ZNF292: variants seen among roughly 807,000 people sequenced by gnomAD.
The protein encoded by ZNF292 is 16 zinc-finger domain protein.
ZNF292 carries 26 observed loss-of-function variants against 217.9 expected under a neutral mutation model. The ratio of observed to expected loss-of-function variants is 0.12; its 90% CI spans 0.09 to 0.17. The LOEUF is 0.17. Ranked by LOEUF, ZNF292 falls within the 10% of genes least tolerant of loss-of-function variation. The probability of loss-of-function intolerance (pLI) is 1.00; values close to 1 mark genes in which losing one functional copy is unlikely to be tolerated. For missense variants in ZNF292, 2,904 were observed against 3,175.2 expected (o/e 0.91, Z 2.05); for synonymous variants, 1,257 against 1,124.1 (o/e 1.12, Z -2.37).
At chr6:87,182,929 T>G (rs925880277) in intron 1 of ZNF292, among the ~76,000 whole-genome samples, 3 of 152,180 alleles carry the variant, frequency 2.0e-5, no homozygotes, top group African/African-American at 7.2e-5. Context: ...TGTAGAGAGA[T>G]ATTATTGAAG....
At chr6:87,169,593 A>G (rs1053215096) in intron 1 of ZNF292, 11 of 352,396 alleles carry the variant, frequency 3.1e-5, no homozygotes, top group African/African-American at 2.2e-4. Flanking sequence ...TATTTCCAGT[A>G]AATAGGAATG....
chr6:87,232,912 G>A (rs972602588), intron 4 of ZNF292, among the ~76,000 whole-genome samples: 1 of 152,004 alleles, frequency 6.6e-6, no homozygotes, highest in Non-Finnish European at 1.5e-5. Flanking sequence ...TGTCCCAATA[G>A]CTTTTTGTGG....
At chr6:87,178,723 G>A (rs1771378592) in intron 1 of ZNF292, among the ~76,000 whole-genome samples, 2 of 152,246 alleles carry the variant, frequency 1.3e-5, no homozygotes, top group South Asian at 4.1e-4. Context: ...CAAGTAACTA[G>A]GAATTTTTAA....
rs1281505251 is a variant in ZNF292 at position 87,260,006 on chromosome 6, C to T, written c.6377C>T (p.Thr2126Met). The T allele has an allele frequency of 1.9e-6, 3 of 1,613,494 alleles. No individual in the cohort carries two copies. The highest frequency in any genetic ancestry group is 1.7e-5 in the Admixed American group (1 of 59,952). Residue 2126 changes from threonine to methionine, a missense_variant, in exon 8 of 8, where the codon ACG (threonine) becomes ATG (methionine). Physicochemically the swap from Thr to Met is moderately conservative, Grantham distance 81 (BLOSUM62 -1). This residue lies in a region of ZNF292 where 261 missense variants were observed against 272.8 expected (regional missense o/e 0.96). Transcript: ENST00000369577. The stretch of plus-strand genomic sequence containing the variant: ...CACCAGGGATGCTTTGCTGCCTTTA[C>T]GATACAGCAAAACTTGATTCTCCAT... ...CVHQGCFAAF[T>M]IQQNLILHYQ...
chr6:87,169,910 A>G (rs1771044870), intron 1 of ZNF292: 2 of 182,546 alleles, frequency 1.1e-5, no homozygotes, highest in South Asian at 7.8e-5. Context: ...AGACTCCCAG[A>G]GTGCTGGGAT....
intron 4 of ZNF292, 133 bp from the exon 5 acceptor site, chr6:87,233,192 C>T: frequency 1.6e-6 from 1 of 641,094 alleles, no homozygotes; most frequent in Non-Finnish European, 2.6e-6. Context: ...TTTGTGATAG[C>T]CTTACTAGCA....
chr6:87,176,657 C>T (rs1266770538), intron 1 of ZNF292, among the ~76,000 whole-genome samples: 2 of 152,140 alleles, frequency 1.3e-5, no homozygotes, highest in Non-Finnish European at 2.9e-5. Flanking sequence ...AACACTCAAG[C>T]ATTTTTCCCA....
chr6:87,182,298 G>A (rs1010318961), intron 1 of ZNF292, among the ~76,000 whole-genome samples: 1 of 152,092 alleles, frequency 6.6e-6, no homozygotes, highest in Admixed American at 6.6e-5. Context: ...CTATTATATT[G>A]TAATTTAAAC....
intron 1 of ZNF292, 72 bp downstream of exon 1, chr6:87,155,831 G>A: frequency 1.4e-6 from 2 of 1,449,268 alleles, no homozygotes; most frequent in East Asian, 2.5e-5. Context: ...GCGCTAGGCG[G>A]CCGAGAGGTG....
In ZNF292 at chr6:87,222,298, T is replaced by C. The variant is rs146376263; in HGVS notation, c.538+3567T>C. 9.5e-3 allele frequency among the ~76,000 whole-genome samples: 1,439 copies of C among 152,274 alleles called. 19 individuals are homozygous for C. Among genetic ancestry groups the C allele is most frequent in the African/African-American group, 0.033 (1,355 of 41,540 alleles). On this transcript the variant is annotated intron_variant, in intron 4 of 7. Coordinates refer to ENST00000369577, the MANE Select transcript of ZNF292 (RefSeq NM_015021.3). ...GGGATACTTAAAAAAATCTTTCTGCTTGCCTTTAGTTCTTACATCCATATC... is the reference window on the plus strand; with the variant it reads ...GGGATACTTAAAAAAATCTTTCTGCCTGCCTTTAGTTCTTACATCCATATC...
intron 4 of ZNF292, among the ~76,000 whole-genome samples, chr6:87,220,604 A>C (rs1430632347): frequency 6.6e-6 from 1 of 152,202 alleles, no homozygotes; most frequent in Admixed American, 6.5e-5. Flanking sequence ...TCTGAACAGC[A>C]TTTTGCCAAA....
chr6:87,225,999 C>T (rs564430652), intron 4 of ZNF292, among the ~76,000 whole-genome samples: 1 of 152,262 alleles, frequency 6.6e-6, no homozygotes, highest in African/African-American at 2.4e-5. Context: ...GTCTGACACT[C>T]ATGGTGCATC....
At chr6:87,218,010 TA>T (rs1772874597) in intron 3 of ZNF292, among the ~76,000 whole-genome samples, 1 of 152,174 alleles carries the variant, frequency 6.6e-6, no homozygotes, top group African/African-American at 2.4e-5. Context: ...CTGAATTGAA[TA>T]AAAACTATTG....
At chr6:87,243,286 T>G (rs1041279791) in intron 5 of ZNF292, among the ~76,000 whole-genome samples, 189 bp from the exon 6 acceptor site, 14 of 151,092 alleles carry the variant, frequency 9.3e-5, no homozygotes, top group Non-Finnish European at 1.9e-4. Context: ...AAAGGTTTTT[T>G]TTTTTTTTTT....
At chr6:87,169,676 T>C (rs2127772621) in intron 1 of ZNF292, 1 of 440,784 alleles carries the variant, frequency 2.3e-6, no homozygotes, top group Non-Finnish European at 4.6e-6. Context: ...TGAGACAGGG[T>C]CTCACTGTCA....
intron 1 of ZNF292, among the ~76,000 whole-genome samples, chr6:87,172,682 G>A (rs1024026005): frequency 1.3e-5 from 2 of 152,108 alleles, no homozygotes; most frequent in Non-Finnish European, 2.9e-5. Context: ...AAGGCAGGTG[G>A]CTTACTTGAG....
rs1775768665 is a variant in ZNF292, at chr6:87,265,091, C to A, written c.*3290C>A. ...GTTTTCTAAATTGTGTGCTGTAGTTCTCTCTCTCTCTCTCTCTTTTTTTTT... is the reference window on the plus strand; with the variant it reads ...GTTTTCTAAATTGTGTGCTGTAGTTATCTCTCTCTCTCTCTCTTTTTTTTT... On this transcript the variant is annotated 3_prime_UTR_variant, in exon 8 of 8. Coordinates refer to ENST00000369577, the MANE Select transcript of ZNF292 (RefSeq NM_015021.3). 7.8e-6 allele frequency among the ~76,000 whole-genome samples: 1 copy of A among 128,202 alleles called. No individual in the cohort carries two copies. The highest frequency in any genetic ancestry group is 2.2e-4 in the South Asian group (1 of 4,446). The allele number at this position is 128,202 out of a possible 152,430, so 84.1% of individuals were successfully genotyped here.
intron 1 of ZNF292, among the ~76,000 whole-genome samples, chr6:87,183,286 CAG>C (rs1381598698): frequency 1.3e-5 from 2 of 152,052 alleles, no homozygotes; most frequent in African/African-American, 4.8e-5. Context: ...TTGCAATAGA[CAG>C]AAACAGGGAA....
chr6:87,210,887 C>T (rs1445628202), intron 1 of ZNF292, among the ~76,000 whole-genome samples: 1 of 152,138 alleles, frequency 6.6e-6, no homozygotes, highest in African/African-American at 2.4e-5. Flanking sequence ...TAGCTAGTTG[C>T]CATGCTGGGA....
Sources: allele counts gnomAD v4.1 joint callset (sites outside exome capture counted in the v4.1 genomes callset), GRCh38; gene constraint gnomAD v4.1.1; regional missense constraint gnomAD v4.1.1; transcripts MANE v1.5; gene names NCBI Gene and HGNC (gene_info 2026-07-23, HGNC 2026-07-21).